The following ALG6 variants were observed in gnomAD, a reference collection of about 807,000 sequenced individuals.
ALG6 encodes ALG6 alpha-1,3-glucosyltransferase, also known as dolichyl pyrophosphate Man9GlcNAc2 alpha-1,3-glucosyltransferase.
A neutral mutation model predicts 66.6 loss-of-function variants in ALG6; 46 were observed. The ratio of observed to expected loss-of-function variants is 0.69; its 90% CI spans 0.55 to 0.88. The LOEUF (loss-of-function observed/expected upper bound fraction) is 0.88, where lower values mean the gene tolerates loss of function less well. ALG6 is among the 40% of genes least tolerant of loss of function. The pLI, the probability that ALG6 is intolerant of heterozygous loss-of-function variation, is 0.00. For synonymous variants in ALG6, 185 were observed against 203.7 expected (o/e 0.91, Z 0.78); for missense variants, 505 against 586.8 (o/e 0.86, Z 1.44).
chr1:63,413,024 A>G (rs1644524220), intron 9 of ALG6, among the ~76,000 whole-genome samples: 1 of 152,200 alleles, frequency 6.6e-6, no homozygotes, highest in Non-Finnish European at 1.5e-5. Flanking sequence ...CAACAGGATG[A>G]TGGTAGTGAT....
intron 14 of ALG6, 93 bp downstream of exon 14, chr1:63,429,219 G>C: frequency 1.1e-6 from 1 of 942,206 alleles, no homozygotes. Context: ...ACCTTTTTGA[G>C]ATATAATTCA....
chr1:63,411,623 T>G (rs900559110), intron 8 of ALG6, among the ~76,000 whole-genome samples: 13 of 152,216 alleles, frequency 8.5e-5, no homozygotes, highest in African/African-American at 2.4e-4. Context: ...TATATACTTA[T>G]TAGAAATACA....
At chr1:63,377,307 C>CT (rs1570034013) in intron 2 of ALG6, among the ~76,000 whole-genome samples, 1 of 152,026 alleles carries the variant, frequency 6.6e-6, no homozygotes, top group African/African-American at 2.4e-5. Flanking sequence ...TACAGTAATG[C>CT]TTTTTTGTTA....
At chr1:63,413,875 A>G (rs531620554) in intron 9 of ALG6, 186 bp from the exon 10 acceptor site, 59 of 514,714 alleles carry the variant, frequency 1.1e-4, no homozygotes, top group Middle Eastern at 1.1e-3. Flanking sequence ...CTGCACAAAA[A>G]TGAAAAATGC....
At chr1:63,385,184 C>CTTTTTTTTTTTTTTTTT (rs1165046824) in intron 2 of ALG6, among the ~76,000 whole-genome samples, 2 of 58,954 alleles carry the variant, frequency 3.4e-5, no homozygotes, top group Admixed American at 2.2e-4. Context: ...TTTACTTCTT[C>CTTTTTTTTTTTTTTTTT]TTTTTTTTTT....
chr1:63,415,076 T>C (rs1355650289), intron 10 of ALG6, among the ~76,000 whole-genome samples: 7 of 152,170 alleles, frequency 4.6e-5, no homozygotes, highest in Non-Finnish European at 8.8e-5. Context: ...GGAGATGAGA[T>C]GGGTGTGGCC....
At chr1:63,419,324 A>G (rs771663111) in intron 11 of ALG6, 46 bp from the exon 12 acceptor site, 40 of 1,372,864 alleles carry the variant, frequency 2.9e-5, no homozygotes, top group South Asian at 8.4e-5. Context: ...TTGATATGCT[A>G]TTTCACAAGT....
At chr1:63,396,484 T>C in intron 2 of ALG6, 29 bp from the exon 3 acceptor site, 1 of 1,575,864 alleles carries the variant, frequency 6.3e-7, no homozygotes, top group Admixed American at 1.7e-5. Flanking sequence ...AGTACATTGT[T>C]GTTTTGCTCT....
intron 12 of ALG6, among the ~76,000 whole-genome samples, chr1:63,426,099 G>T (rs1031370423): frequency 1.3e-5 from 2 of 152,194 alleles, no homozygotes; most frequent in African/African-American, 4.8e-5. Context: ...AAGTCAGTTT[G>T]TAGAGAGTGA....
intron 14 of ALG6, chr1:63,429,614 T>A (rs1644635001): frequency 6.3e-6 from 1 of 157,542 alleles, no homozygotes; most frequent in South Asian, 1.9e-4. Context: ...GTCTCTGCTT[T>A]ATGTGTCACA....
At chr1:63,428,401 C>T (rs544463023) in intron 12 of ALG6, 26 of 196,336 alleles carry the variant, frequency 1.3e-4, no homozygotes, top group Admixed American at 5.1e-4. Context: ...CCAAGTACTA[C>T]GAAATATGTG....
At chr1:63,395,705 C>T (rs1265483656) in intron 2 of ALG6, among the ~76,000 whole-genome samples, 3 of 152,016 alleles carry the variant, frequency 2.0e-5, no homozygotes, top group Non-Finnish European at 4.4e-5. Context: ...AAAAAAAAGT[C>T]CTTTATAAAA....
intron 2 of ALG6, among the ~76,000 whole-genome samples, chr1:63,385,104 T>C (rs1191425063): frequency 6.6e-6 from 1 of 151,652 alleles, no homozygotes. Context: ...TTCCAATCCA[T>C]GAACATGGAA....
intron 12 of ALG6, among the ~76,000 whole-genome samples, chr1:63,427,609 A>C (rs1370338379): frequency 6.6e-6 from 1 of 152,044 alleles, no homozygotes; most frequent in Non-Finnish European, 1.5e-5. Flanking sequence ...TTAAGAAAAT[A>C]GATTAATCAT....
intron 3 of ALG6, among the ~76,000 whole-genome samples, chr1:63,400,143 A>G (rs1224012990): frequency 7.0e-6 from 1 of 142,586 alleles, no homozygotes; most frequent in Non-Finnish European, 1.5e-5. Context: ...GCAGTGAACC[A>G]AGATCGCAAC....
At chr1:63,434,627 C>CTCA (rs1297737446) in intron 14 of ALG6, among the ~76,000 whole-genome samples, 1 of 152,088 alleles carries the variant, frequency 6.6e-6, no homozygotes, top group Admixed American at 6.5e-5. Context: ...TTTTTAAAAA[C>CTCA]TCATCAGCTA....
rs140577357 is a variant in ALG6, at chr1:63,406,153, A to G, written c.347-164A>G. On this transcript the variant is annotated intron_variant, in intron 5 of 14. Coordinates refer to ENST00000263440, the MANE Select transcript of ALG6 (RefSeq NM_013339.4). ...TGCAATACAGCAATTGAAATTAGTC[A>G]CAGGTGAAGGGATTGAAAAGTGCTG... Among the ~76,000 whole-genome samples the G allele has an allele frequency of 3.4e-3, 523 of 152,240 alleles. 2 individuals carry two copies. The highest frequency in any genetic ancestry group is 0.012 in the African/African-American group (483 of 41,594).
chr1:63,423,657 T>C (rs981029070), intron 12 of ALG6, among the ~76,000 whole-genome samples: 8 of 152,260 alleles, frequency 5.3e-5, no homozygotes, highest in African/African-American at 1.9e-4. Flanking sequence ...GGTTCATCCA[T>C]GTTGTATCAG....
chr1:63,382,449 C>T (rs1161715850), intron 2 of ALG6, among the ~76,000 whole-genome samples: 2 of 151,408 alleles, frequency 1.3e-5, no homozygotes, highest in African/African-American at 2.4e-5. Flanking sequence ...GTGATCTGCC[C>T]GCCTCAGCGC....
Sources: allele counts gnomAD v4.1 joint callset (sites outside exome capture counted in the v4.1 genomes callset), GRCh38; gene constraint gnomAD v4.1.1; transcripts MANE v1.5; gene names NCBI Gene and HGNC (gene_info 2026-07-23, HGNC 2026-07-21).